Variants in MTCL3 observed in about 807,000 individuals in gnomAD.
MTCL3 encodes microtubule cross-linking factor 3.
the MTCL3 span, among the ~76,000 whole-genome samples, chr6:127,482,044 G>C: frequency 6.6e-6 from 1 of 152,162 alleles, no homozygotes; most frequent in Non-Finnish European, 1.5e-5. This position sits in a 1 kb window ranked among gnomAD's most constrained non-coding sequence, Gnocchi z 4.1. Flanking sequence ...AAAAAGGGGA[G>C]GCATGAATAA....
the MTCL3 span, among the ~76,000 whole-genome samples, chr6:127,502,964 A>G: frequency 5.9e-5 from 9 of 152,208 alleles, no homozygotes; most frequent in African/African-American, 1.7e-4. Flanking sequence ...TGCTCCAAAG[A>G]TTCCCTTTCT....
chr6:127,512,676 C>T, the MTCL3 span, among the ~76,000 whole-genome samples: 1 of 152,152 alleles, frequency 6.6e-6, no homozygotes, highest in Admixed American at 6.5e-5. Context: ...TCAGTCAAAG[C>T]TCGTACATGT....
the MTCL3 span, chr6:127,472,984 C>G: frequency 1.9e-6 from 1 of 523,768 alleles, no homozygotes; most frequent in Non-Finnish European, 2.5e-6. Flanking sequence ...TTTTTATATT[C>G]AGTATGCCAA....
At chr6:127,518,369 G>A in the MTCL3 span, among the ~76,000 whole-genome samples, 1 of 152,224 alleles carries the variant, frequency 6.6e-6, no homozygotes, top group Non-Finnish European at 1.5e-5. Context: ...TCCAGTAACT[G>A]GGCTCCACAA....
chr6:127,515,486 C>T, the MTCL3 span: 1 of 1,410,464 alleles, frequency 7.1e-7, no homozygotes, highest in Non-Finnish European at 9.2e-7. This position sits in a 1 kb window ranked among gnomAD's most constrained non-coding sequence, Gnocchi z 4.3. Flanking sequence ...CTTCCCATCC[C>T]CCAGCCGGGT....
At chr6:127,504,692 G>A in the MTCL3 span, among the ~76,000 whole-genome samples, 1 of 152,038 alleles carries the variant, frequency 6.6e-6, no homozygotes, top group Non-Finnish European at 1.5e-5. Context: ...TTCTGCATGA[G>A]GTTGATGTCT....
At chr6:127,506,994 C>G in the MTCL3 span, among the ~76,000 whole-genome samples, 1 of 152,182 alleles carries the variant, frequency 6.6e-6, no homozygotes. Flanking sequence ...AATTGCTAAT[C>G]TCACAGAGCT....
the MTCL3 span, among the ~76,000 whole-genome samples, chr6:127,487,403 G>C: frequency 6.6e-6 from 1 of 152,130 alleles, no homozygotes; most frequent in Admixed American, 6.6e-5. Context: ...CCACTTACTG[G>C]TTCTTAAATC....
At chr6:127,476,312 G>T in the MTCL3 span, 1 of 1,614,170 alleles carries the variant, frequency 6.2e-7, no homozygotes, top group Non-Finnish European at 8.5e-7. The surrounding 1 kb of genome is among the most constrained non-coding windows in gnomAD (Gnocchi z 4.4). Flanking sequence ...TCTCCTTTGG[G>T]CAAAGGACTG....
chr6:127,489,718 T>A, the MTCL3 span, among the ~76,000 whole-genome samples: 3 of 152,322 alleles, frequency 2.0e-5, no homozygotes, highest in Middle Eastern at 3.4e-3. Context: ...TTCAATTCTA[T>A]GAAAGTGAAG....
At chr6:127,506,639 G>A in the MTCL3 span, among the ~76,000 whole-genome samples, 1 of 152,052 alleles carries the variant, frequency 6.6e-6, no homozygotes, top group South Asian at 2.1e-4. Flanking sequence ...CTGGAGTGCA[G>A]TGGCGATCTT....
chr6:127,482,782 T>C, the MTCL3 span: 1 of 601,478 alleles, frequency 1.7e-6, no homozygotes, highest in Admixed American at 3.3e-5. The surrounding 1 kb of genome is among the most constrained non-coding windows in gnomAD (Gnocchi z 4.1). Context: ...TACAGCTACA[T>C]AATTGATATG....
At chr6:127,516,586 G>A in the MTCL3 span, 10 of 1,597,300 alleles carry the variant, frequency 6.3e-6, no homozygotes, top group African/African-American at 1.3e-5. Context: ...TGTGGCAGGG[G>A]CAGCGCCCCC....
At chr6:127,476,115 C>T in the MTCL3 span, 1 of 1,614,182 alleles carries the variant, frequency 6.2e-7, no homozygotes, top group East Asian at 2.2e-5. The surrounding 1 kb of genome is among the most constrained non-coding windows in gnomAD (Gnocchi z 4.4). Flanking sequence ...ATTCGCTCTG[C>T]TCCCTCATGA....
the MTCL3 span, among the ~76,000 whole-genome samples, chr6:127,492,015 T>C: frequency 3.3e-5 from 5 of 152,130 alleles, no homozygotes; most frequent in Admixed American, 6.6e-5. Context: ...CCTTGAGAGA[T>C]TGTACAATTC....
the MTCL3 span, among the ~76,000 whole-genome samples, chr6:127,507,257 C>T: frequency 1.3e-5 from 2 of 152,120 alleles, no homozygotes; most frequent in African/African-American, 2.4e-5. Flanking sequence ...ATTTGTTCAG[C>T]ACTTTATAGT....
At chr6:127,518,196 C>A in the MTCL3 span, among the ~76,000 whole-genome samples, 1 of 152,250 alleles carries the variant, frequency 6.6e-6, no homozygotes, top group South Asian at 2.1e-4. Flanking sequence ...AATGTCTGGC[C>A]TAGTTTATCA....
At chr6:127,497,493 C>A in the MTCL3 span, among the ~76,000 whole-genome samples, 3 of 152,186 alleles carry the variant, frequency 2.0e-5, no homozygotes, top group Non-Finnish European at 2.9e-5. Flanking sequence ...AGAACAACTA[C>A]AAACTTCTTC....
chr6:127,492,795 T>A, the MTCL3 span, among the ~76,000 whole-genome samples: 1 of 152,196 alleles, frequency 6.6e-6, no homozygotes, highest in Non-Finnish European at 1.5e-5. Flanking sequence ...GCGCTGGGAT[T>A]ACAGGCCTGA....
Sources: gnomAD v4.1 joint callset for allele counts (sites outside exome capture counted in the v4.1 genomes callset) on GRCh38, gnomAD v4.1.1 for gene constraint, Gnocchi (gnomAD v3.1) non-coding constraint, MANE v1.5 for transcripts, NCBI Gene and HGNC (gene_info 2026-07-23, HGNC 2026-07-21) for gene names.